The following FAM168B variants were observed in gnomAD, a reference collection of about 807,000 sequenced individuals.
FAM168B encodes family with sequence similarity 168 member B, also known as myelin-associated neurite-outgrowth inhibitor.
In FAM168B, 19 loss-of-function variants were observed where a neutral mutation model predicts 21.8. The ratio of observed to expected loss-of-function variants is 0.87; its 90% CI spans 0.61 to 1.28. FAM168B has a LOEUF of 1.28. FAM168B is among the 50% of genes most tolerant of loss of function. The probability of loss-of-function intolerance (pLI) is 0.00; values close to 1 mark genes in which losing one functional copy is unlikely to be tolerated. For missense variants in FAM168B, 233 were observed against 263.1 expected (o/e 0.89, Z 0.79); for synonymous variants, 126 against 104.8 (o/e 1.20, Z -1.24).
chr2:131,073,178 C>T (rs1457787584), intron 2 of FAM168B, among the ~76,000 whole-genome samples: 2 of 148,858 alleles, frequency 1.3e-5, no homozygotes, highest in East Asian at 2.0e-4. Context: ...CTGCAACCTC[C>T]GCCTCCTGGG....
At position 131,048,677 on chromosome 2, in the gene FAM168B, T is replaced by C; in HGVS notation, c.*3788A>G. 1 of 990,240 alleles carries C rather than the reference T, an allele frequency of 1.0e-6. No individual in the cohort carries two copies. Among genetic ancestry groups the C allele is most frequent in the Non-Finnish European group, 1.2e-6 (1 of 832,758 alleles). The allele number at this position is 990,240 out of a possible 1,614,324, so 61.3% of individuals were successfully genotyped here. ...GTCCTCTGCAGTATACTCAAGAGTC[T>C]GCTGCCCTTCAGAAAGCCAGAGGGA... On this transcript the variant is annotated 3_prime_UTR_variant, in exon 7 of 7. Transcript: ENST00000389915.
At chr2:131,090,325 A>C (rs1330254046) in intron 1 of FAM168B, among the ~76,000 whole-genome samples, 1 of 150,730 alleles carries the variant, frequency 6.6e-6, no homozygotes, top group Non-Finnish European at 1.5e-5. Flanking sequence ...GTCTCAAAAA[A>C]AAAAAAAAAA....
At position 131,084,228 on chromosome 2, in the gene FAM168B, T is replaced by C. The variant is rs1693572001; in HGVS notation, c.-11-1571A>G. Among the ~76,000 whole-genome samples the C allele has an allele frequency of 2.8e-5, 4 of 140,988 alleles. No individual in the cohort carries two copies. The South Asian group carries it at 1.1e-3, about 38-fold the overall frequency. The allele number at this position is 140,988 out of a possible 152,430, so 92.5% of individuals were successfully genotyped here. Reference sequence around the variant, plus strand: ...ACCCCAAGACAGGGTCTTGCTCTGTTGCCCAGGCTGGAGTGCAGTGGCACA... The same window carrying C: ...ACCCCAAGACAGGGTCTTGCTCTGTCGCCCAGGCTGGAGTGCAGTGGCACA... On this transcript the variant is annotated intron_variant, in intron 1 of 6. Coordinates refer to ENST00000389915, the MANE Select transcript of FAM168B (RefSeq NM_001009993.4).
chr2:131,076,282 C>G (rs1693148792), intron 2 of FAM168B, among the ~76,000 whole-genome samples: 1 of 152,144 alleles, frequency 6.6e-6, no homozygotes, highest in Non-Finnish European at 1.5e-5. Context: ...TCTATTCTAG[C>G]CCTCTTCTGG....
intron 1 of FAM168B, among the ~76,000 whole-genome samples, chr2:131,090,625 G>A (rs2105609697): frequency 6.6e-6 from 1 of 152,092 alleles, no homozygotes; most frequent in Middle Eastern, 3.4e-3. Context: ...CAGTGCTTTG[G>A]GAGGCTGGGG....
intron 1 of FAM168B, among the ~76,000 whole-genome samples, chr2:131,083,136 A>G (rs1052526947): frequency 1.3e-5 from 2 of 152,052 alleles, no homozygotes; most frequent in African/African-American, 4.8e-5. Context: ...TGGAGGAATC[A>G]TGAGGTCAGG....
At chr2:131,082,092 T>C (rs1693456703) in intron 2 of FAM168B, among the ~76,000 whole-genome samples, 1 of 152,172 alleles carries the variant, frequency 6.6e-6, no homozygotes, top group African/African-American at 2.4e-5. Flanking sequence ...ACTAGCTGAC[T>C]CCACTAAAGG....
intron 3 of FAM168B, among the ~76,000 whole-genome samples, chr2:131,057,242 A>T (rs1421404671): frequency 6.6e-6 from 1 of 152,242 alleles, no homozygotes; most frequent in Non-Finnish European, 1.5e-5. Context: ...AAAAGTGTTC[A>T]ATCTTATTCC....
rs767518472 is a variant in FAM168B at position 131,082,688 on chromosome 2, C to T, written c.-11-31G>A. 20 of 1,475,402 alleles carry T rather than the reference C, an allele frequency of 1.4e-5. No homozygotes were observed. In the Middle Eastern group the frequency reaches 5.2e-4, roughly 38 times the overall value. The allele number at this position is 1,475,402 out of a possible 1,614,324, so 91.4% of individuals were successfully genotyped here. A position where few individuals can be genotyped will look rare whatever the true frequency, so the allele number is the denominator to read the frequency against. The stretch of plus-strand genomic sequence containing the variant: ...AGAAAAAAAAGGGAATTTAGCCAAG[C>T]ACTTTTGCTCTCAGATTTTTCTCCA... On this transcript the variant is annotated intron_variant, in intron 1 of 6. Transcript: ENST00000389915.
At chr2:131,065,646 C>A (rs1206182720) in intron 3 of FAM168B, among the ~76,000 whole-genome samples, 3 of 151,648 alleles carry the variant, frequency 2.0e-5, no homozygotes, top group African/African-American at 4.8e-5. Flanking sequence ...AAAAATTAGC[C>A]GGCGTGGTGG....
In FAM168B at chr2:131,049,332, T is replaced by C. The variant is rs115350279; in HGVS notation, c.*3133A>G. On this transcript the variant is annotated 3_prime_UTR_variant, in exon 7 of 7. Transcript: ENST00000389915. The stretch of plus-strand genomic sequence containing the variant: ...ACCCCAAGGCTCAGGACCACCCCCA[T>C]TGCCTGTGAACACATTTGCATAGCA... The C allele has an allele frequency of 3.4e-3, 3,325 of 985,454 alleles. 100 individuals carry two copies. In the African/African-American group the frequency reaches 0.053, roughly 16 times the overall value. 61.0% of individuals were successfully genotyped at this position (985,454 alleles called of 1,614,324 possible).
intron 3 of FAM168B, among the ~76,000 whole-genome samples, chr2:131,063,757 C>A (rs1395070049): frequency 6.6e-6 from 1 of 151,888 alleles, no homozygotes; most frequent in Non-Finnish European, 1.5e-5. Flanking sequence ...CCAGCCTGGG[C>A]GACTGAGCAA....
At chr2:131,088,173 G>A (rs1051902719) in intron 1 of FAM168B, among the ~76,000 whole-genome samples, 2 of 152,154 alleles carry the variant, frequency 1.3e-5, no homozygotes, top group Non-Finnish European at 2.9e-5. Flanking sequence ...TTCAACCTGG[G>A]AGGTAGAGGC....
Position 131,050,657 on chromosome 2 carries a change from AAG to A in FAM168B, c.*1806_*1807del. ...ACTTCTTATAAAATAAGATGTGAAA[AAG>A]AAAATTATAAGAAGTACTTACTATA... On this transcript the variant is annotated 3_prime_UTR_variant, in exon 7 of 7. Transcript: ENST00000389915. The A allele has an allele frequency of 1.0e-6, 1 of 985,082 alleles. No individual in the cohort carries two copies. The allele number at this position is 985,082 out of a possible 1,614,324, so 61.0% of individuals were successfully genotyped here.
intron 5 of FAM168B, among the ~76,000 whole-genome samples, chr2:131,053,264 A>G (rs1573745320): frequency 1.3e-5 from 2 of 152,226 alleles, no homozygotes; most frequent in South Asian, 2.1e-4. Flanking sequence ...AGCACACCCA[A>G]TAATTTTTAT....
chr2:131,058,281 T>C (rs549169652), intron 3 of FAM168B, among the ~76,000 whole-genome samples: 1 of 152,288 alleles, frequency 6.6e-6, no homozygotes, highest in Non-Finnish European at 1.5e-5. Flanking sequence ...CTGGGCTTTT[T>C]CACCTAAATA....
chr2:131,070,550 T>C (rs975996654), intron 3 of FAM168B, among the ~76,000 whole-genome samples: 2 of 152,228 alleles, frequency 1.3e-5, no homozygotes, highest in Non-Finnish European at 2.9e-5. Context: ...TCCTCTGTAT[T>C]TATTTACTCA....
At position 131,048,386 on chromosome 2, in the gene FAM168B, A is replaced by G; in HGVS notation, c.*4079T>C. 1 of 1,282,094 alleles carries G rather than the reference A, an allele frequency of 7.8e-7. No individual in the cohort carries two copies. The highest frequency in any genetic ancestry group is 1.0e-6 in the Non-Finnish European group (1 of 973,152). The allele number at this position is 1,282,094 out of a possible 1,614,324, so 79.4% of individuals were successfully genotyped here. ...CACCTGTCATGCCAGTCCTGGGAGCACACCACCCTTCTGCAGGCCCGGGGG... is the reference window on the plus strand; with the variant it reads ...CACCTGTCATGCCAGTCCTGGGAGCGCACCACCCTTCTGCAGGCCCGGGGG... On this transcript the variant is annotated 3_prime_UTR_variant, in exon 7 of 7. Coordinates refer to ENST00000389915, the MANE Select transcript of FAM168B (RefSeq NM_001009993.4).
chr2:131,080,667 T>C (rs1288290617), intron 2 of FAM168B, among the ~76,000 whole-genome samples: 1 of 147,992 alleles, frequency 6.8e-6, no homozygotes, highest in Non-Finnish European at 1.5e-5. Flanking sequence ...ACTAAAAGAA[T>C]AGTAAAAGAA....
Sources: allele counts gnomAD v4.1 joint callset (sites outside exome capture counted in the v4.1 genomes callset), GRCh38; gene constraint gnomAD v4.1.1; transcripts MANE v1.5; gene names NCBI Gene and HGNC (gene_info 2026-07-23, HGNC 2026-07-21).